SH3BP2: variants seen among roughly 807,000 people sequenced by gnomAD.
SH3BP2 encodes SH3 domain binding protein 2.
In SH3BP2, 38 loss-of-function variants were observed where a neutral mutation model predicts 56.2. That is an observed-to-expected ratio of 0.68 (90% CI 0.52 to 0.89). SH3BP2 has a LOEUF of 0.89. Ranked by LOEUF, SH3BP2 falls within the 40% of genes least tolerant of loss-of-function variation. The probability of loss-of-function intolerance (pLI) is 0.00; values close to 1 mark genes in which losing one functional copy is unlikely to be tolerated. For missense variants in SH3BP2, 748 were observed against 762.6 expected (o/e 0.98, Z 0.23); for synonymous variants, 346 against 316.7 (o/e 1.09, Z -0.98).
chr4:2,798,958 C>G (rs149933456), intron 1 of SH3BP2: 23,384 of 982,974 alleles, frequency 0.024, 306 homozygotes, highest in Middle Eastern at 0.037. Context: ...GCTGCTGGGG[C>G]GGGGTGTGTG....
At chr4:2,796,542 A>C in intron 1 of SH3BP2, 1 of 881,820 alleles carries the variant, frequency 1.1e-6, no homozygotes, top group Non-Finnish European at 1.4e-6. Flanking sequence ...CTCTGGGAAG[A>C]ATGTGGGCTC....
Position 2,831,837 on chromosome 4 carries a change from C to A in SH3BP2, c.1351-86C>A. The A allele has an allele frequency of 6.7e-7, 1 of 1,488,720 alleles. No individual in the cohort carries two copies. The highest frequency in any genetic ancestry group is 9.3e-7 in the Non-Finnish European group (1 of 1,077,482). 92.2% of individuals were successfully genotyped at this position (1,488,720 alleles called of 1,614,324 possible). On this transcript the variant is annotated intron_variant, in intron 9 of 12. Transcript: ENST00000503393. This position sits in a 1 kb window ranked among gnomAD's most constrained non-coding sequence, Gnocchi z 4.1. ...CACAGCACCATGTAAAGCCCCGGAT[C>A]CCGGCACCGGGTGGCCACCGTCCGG...
intron 1 of SH3BP2, among the ~76,000 whole-genome samples, chr4:2,797,934 G>A (rs183746645): frequency 1.3e-4 from 20 of 152,370 alleles, no homozygotes; most frequent in African/African-American, 4.3e-4. Context: ...CTGAGCATCA[G>A]AGCCTAATGT....
intron 11 of SH3BP2, among the ~76,000 whole-genome samples, chr4:2,832,683 G>T (rs1482739311): frequency 6.6e-6 from 1 of 152,244 alleles, no homozygotes. Flanking sequence ...GCCACATGGG[G>T]CAGGGGAACG....
In SH3BP2 at chr4:2,827,144, T is replaced by C. The variant is rs768707541; in HGVS notation, c.429-86T>C. 4 of 995,190 alleles carry C rather than the reference T, an allele frequency of 4.0e-6. No individual in the cohort carries two copies. In the Admixed American group the frequency reaches 5.1e-5, roughly 13 times the overall value. 61.6% of individuals were successfully genotyped at this position (995,190 alleles called of 1,614,324 possible). ...CTGTGTATCTGTCCATGTATCCGCG[T>C]GTGCCTGTGTGTACCTTTGTGTGAG... On this transcript the variant is annotated intron_variant, in intron 5 of 12. Transcript: ENST00000503393.
At chr4:2,809,849 C>A (rs899040660) in intron 1 of SH3BP2, 36 of 983,982 alleles carry the variant, frequency 3.7e-5, no homozygotes, top group Non-Finnish European at 4.1e-5. Context: ...CTGTGTCTGG[C>A]ATGGTGGGAA....
At chr4:2,832,165 G>A in intron 10 of SH3BP2, 166 bp from the exon 11 acceptor site, 3 of 937,870 alleles carry the variant, frequency 3.2e-6, no homozygotes, top group African/African-American at 3.2e-5. Context: ...GCTGGCCAGG[G>A]CTCTGCTGGG....
intron 1 of SH3BP2, among the ~76,000 whole-genome samples, chr4:2,819,885 A>T (rs1724207180): frequency 6.6e-6 from 1 of 152,048 alleles, no homozygotes; most frequent in Non-Finnish European, 1.5e-5. Flanking sequence ...GGGGCAGGGC[A>T]TGATGTTGGG....
At chr4:2,812,401 G>A (rs1723785226) in intron 1 of SH3BP2, 3 of 1,550,392 alleles carry the variant, frequency 1.9e-6, no homozygotes, top group Non-Finnish European at 2.6e-6. Context: ...GAGCCGCATG[G>A]CCTCCCTGGG....
chr4:2,805,673 G>T (rs898012903), intron 1 of SH3BP2, among the ~76,000 whole-genome samples: 1 of 152,198 alleles, frequency 6.6e-6, no homozygotes, highest in African/African-American at 2.4e-5. Context: ...CCACAGCGTC[G>T]GGGGGTGCCG....
intron 1 of SH3BP2, among the ~76,000 whole-genome samples, 180 bp from the exon 2 acceptor site, chr4:2,820,434 T>C (rs1724237325): frequency 6.6e-6 from 1 of 152,164 alleles, no homozygotes; most frequent in African/African-American, 2.4e-5. Flanking sequence ...CCCGTGGCTC[T>C]GTCTCTCCCT....
At chr4:2,824,300 G>C (rs937111237) in intron 3 of SH3BP2, among the ~76,000 whole-genome samples, 2 of 152,186 alleles carry the variant, frequency 1.3e-5, no homozygotes, top group Non-Finnish European at 2.9e-5. Context: ...GGCAAATGGG[G>C]CCAGAGGTGG....
chr4:2,822,898 T>A (rs1293639908), intron 2 of SH3BP2, 37 bp from the exon 3 acceptor site: 1 of 1,559,834 alleles, frequency 6.4e-7, no homozygotes. Flanking sequence ...CAGCTGCCCC[T>A]CCAGGCTCAC....
In SH3BP2 at chr4:2,827,047, C is replaced by G. The variant is rs545728343; in HGVS notation, c.429-183C>G. 41 of 691,422 alleles carry G rather than the reference C, an allele frequency of 5.9e-5. No individual in the cohort carries two copies. The East Asian group carries it at 9.6e-4, about 16-fold the overall frequency. The allele number at this position is 691,422 out of a possible 1,614,324, so 42.8% of individuals were successfully genotyped here. ...TGCATGTGTGTGTCTGTCAGCGTAT[C>G]CGTGTGTGCATGTGTGTGTCTGTCA... On this transcript the variant is annotated intron_variant, in intron 5 of 12. Transcript: ENST00000503393.
rs146202519 is a variant in SH3BP2 at position 2,831,650 on chromosome 4, G to A, written c.1321G>A (p.Gly441Arg). ...GCAACCCTCACAGGCTGACACTGGCGGGGACGACTCGGACGAGGACTATGA... is the reference window on the plus strand; with the variant it reads ...GCAACCCTCACAGGCTGACACTGGCAGGGACGACTCGGACGAGGACTATGA... Reference protein sequence around the residue: ...PRQPSQADTGGDDSDEDYEKV... With the variant: ...PRQPSQADTGRDDSDEDYEKV... The change falls in exon 9 of 13, where the codon GGG becomes AGG. Residue 441 changes from glycine (G) to arginine (R), a missense_variant. Gly to Arg is a moderately radical substitution (Grantham distance 125, BLOSUM62 -2). Transcript: ENST00000503393. This position sits in a 1 kb window ranked among gnomAD's most constrained non-coding sequence, Gnocchi z 4.1. 40 of 1,595,904 alleles carry A rather than the reference G, an allele frequency of 2.5e-5. No individual in the cohort carries two copies. The highest frequency in any genetic ancestry group is 2.1e-4 in the South Asian group (19 of 88,906).
At chr4:2,816,959 C>G (rs756029789) in intron 1 of SH3BP2, among the ~76,000 whole-genome samples, 25 of 152,318 alleles carry the variant, frequency 1.6e-4, no homozygotes, top group Non-Finnish European at 3.4e-4. Context: ...GAGTTCCCTC[C>G]TCTTCTATTT....
chr4:2,804,843 G>C (rs556737143), intron 1 of SH3BP2, among the ~76,000 whole-genome samples: 1 of 152,372 alleles, frequency 6.6e-6, no homozygotes, highest in African/African-American at 2.4e-5. Context: ...GTGGCCCCAG[G>C]CTCTGGGTGA....
intron 1 of SH3BP2, chr4:2,818,844 A>T (rs1380588036): frequency 3.0e-6 from 3 of 985,954 alleles, no homozygotes; most frequent in Non-Finnish European, 3.6e-6. Flanking sequence ...AGGCCGGCAG[A>T]AGACAGCCTG....
chr4:2,826,861 G>A (rs1450950077), intron 5 of SH3BP2: 1 of 471,670 alleles, frequency 2.1e-6, no homozygotes, highest in Admixed American at 2.3e-5. Context: ...CAGAGTCCTT[G>A]TGTCTGTGTG....
Sources: gnomAD v4.1 joint callset for allele counts (sites outside exome capture counted in the v4.1 genomes callset) on GRCh38, gnomAD v4.1.1 for gene constraint, Gnocchi (gnomAD v3.1) non-coding constraint, MANE v1.5 for transcripts, NCBI Gene and HGNC (gene_info 2026-07-23, HGNC 2026-07-21) for gene names.